The following ADAMTS9 variants were observed in gnomAD, a reference collection of about 807,000 sequenced individuals.
ADAMTS9 encodes A disintegrin and metalloproteinase with thrombospondin motifs 9.
In ADAMTS9, 107 loss-of-function variants were observed where a neutral mutation model predicts 257.1. The ratio of observed to expected loss-of-function variants is 0.42; its 90% CI spans 0.36 to 0.49. ADAMTS9 has a LOEUF of 0.49. ADAMTS9 is among the 20% of genes least tolerant of loss of function. The pLI is 0.03. For missense variants in ADAMTS9, 2,353 were observed against 2,469.1 expected (o/e 0.95, Z 1.00); for synonymous variants, 982 against 880.9 (o/e 1.11, Z -2.03).
At chr3:64,588,359 T>C (rs1318852043) in intron 28 of ADAMTS9, 1 of 152,132 alleles carries the variant, frequency 6.6e-6, no homozygotes, top group Non-Finnish European at 1.5e-5. Context: ...GCTGTATCCT[T>C]AGCACCTGGA....
intron 10 of ADAMTS9, among the ~76,000 whole-genome samples, chr3:64,648,348 C>A (rs1700847799): frequency 6.6e-6 from 1 of 152,122 alleles, no homozygotes; most frequent in East Asian, 1.9e-4. Flanking sequence ...CCAGAAGTGA[C>A]CACAGTCCTG....
rs777155151 is a variant in ADAMTS9 at position 64,622,542 on chromosome 3, C to T, written c.2434G>A (p.Val812Ile). 1.2e-6 allele frequency: 2 copies of T among 1,614,088 alleles called. No homozygotes were observed. The highest frequency in any genetic ancestry group is 1.7e-5 in the Admixed American group (1 of 60,020). ...KGEFLLNGNF[V>I]VTMAKREIRI... ...ATTTCCCTTTTGGCCATTGTGACAA[C>T]AAAGTTTCCATTTAGCAAGAATTCA... Residue 812 changes from valine to isoleucine, a missense_variant, in exon 17 of 40, where the codon GTT becomes ATT. Around this residue, in one of 3 missense-constraint regions of ADAMTS9, gnomAD observed 360 missense variants for 458.1 expected, o/e 0.79. Coordinates refer to ENST00000498707, the MANE Select transcript of ADAMTS9 (RefSeq NM_182920.2).
chr3:64,646,464 A>T (rs1383706022), intron 11 of ADAMTS9, among the ~76,000 whole-genome samples: 1 of 152,050 alleles, frequency 6.6e-6, no homozygotes, highest in African/African-American at 2.4e-5. Flanking sequence ...GCAAAGATTC[A>T]CTCTTTGGCC....
chr3:64,655,761 G>C, intron 5 of ADAMTS9, 31 bp downstream of exon 5: 1 of 1,564,640 alleles, frequency 6.4e-7, no homozygotes, highest in South Asian at 1.2e-5. Flanking sequence ...TTCGGATACA[G>C]ATAGAAGAAA....
chr3:64,646,631 C>T (rs76522906), intron 11 of ADAMTS9, among the ~76,000 whole-genome samples: 1,865 of 152,286 alleles, frequency 0.012, 37 homozygotes, highest in African/African-American at 0.042. Flanking sequence ...GACTCTGTTG[C>T]CAATTTAAGT....
At chr3:64,622,079 T>C (rs1700121773) in intron 18 of ADAMTS9, 119 bp downstream of exon 18, 2 of 1,056,698 alleles carry the variant, frequency 1.9e-6, no homozygotes, top group Non-Finnish European at 2.6e-6. Flanking sequence ...GAAAAGAGAT[T>C]AGAGAACGTA....
intron 38 of ADAMTS9, among the ~76,000 whole-genome samples, chr3:64,524,074 TATA>T (rs1349978965): frequency 6.6e-6 from 1 of 152,234 alleles, no homozygotes; most frequent in Non-Finnish European, 1.5e-5. Context: ...TAGATTGTTT[TATA>T]CACTTCCCAT....
chr3:64,649,722 G>T lies in ADAMTS9; in HGVS notation c.1520C>A (p.Pro507His). The part of the protein sequence containing the change: ...NEPESRPYPL[P>H]VQLPGILYNV... ...GTAAAGGATGCCTGGCAGTTGGACA[G>T]GCAAAGGGTAGGGTCTGGATTCAGG... Residue 507 changes from proline (P) to histidine (H), a missense_variant, in exon 10 of 40, where the codon CCT (proline) becomes CAT (histidine). Pro to His is a moderately conservative substitution (Grantham distance 77). This residue lies in a region of ADAMTS9 where 360 missense variants were observed against 458.1 expected (regional missense o/e 0.79). Transcript: ENST00000498707. 6.2e-7 allele frequency: 1 copy of T among 1,614,090 alleles called. No individual in the cohort carries two copies. The highest frequency in any genetic ancestry group is 1.1e-5 in the South Asian group (1 of 91,068).
intron 31 of ADAMTS9, 72 bp downstream of exon 31, chr3:64,550,820 C>A: frequency 6.3e-7 from 1 of 1,579,718 alleles, no homozygotes; most frequent in South Asian, 1.1e-5. Context: ...CTGCACTCAT[C>A]CCTCCACTCA....
intron 2 of ADAMTS9, among the ~76,000 whole-genome samples, chr3:64,684,059 G>T (rs1701829251): frequency 6.6e-6 from 1 of 152,190 alleles, no homozygotes. Context: ...AGGCACAAAG[G>T]CAATGAAGAC....
intron 37 of ADAMTS9, among the ~76,000 whole-genome samples, chr3:64,536,448 T>C (rs1449298379): frequency 6.6e-6 from 1 of 152,198 alleles, no homozygotes; most frequent in Admixed American, 6.5e-5. Flanking sequence ...AGTTGGTCCG[T>C]AAAGGTTTGC....
At position 64,686,123 on chromosome 3, in the gene ADAMTS9, G is replaced by T. The variant is rs1701899404; in HGVS notation, c.516+445C>A. Among the ~76,000 whole-genome samples, 1 of 152,226 alleles carries T rather than the reference G, an allele frequency of 6.6e-6. No individual in the cohort carries two copies. On this transcript the variant is annotated intron_variant, in intron 2 of 39. Coordinates refer to ENST00000498707, the MANE Select transcript of ADAMTS9 (RefSeq NM_182920.2). This position sits in a 1 kb window ranked among gnomAD's most constrained non-coding sequence, Gnocchi z 4.6. ...AACACACACTGAAGGAACTCCCAGTGCCTTGGGCAGGGGATCCTCAGCCCC... is the reference window on the plus strand; with the variant it reads ...AACACACACTGAAGGAACTCCCAGTTCCTTGGGCAGGGGATCCTCAGCCCC...
At chr3:64,564,576 A>C (rs188500309) in intron 29 of ADAMTS9, among the ~76,000 whole-genome samples, 30 of 152,078 alleles carry the variant, frequency 2.0e-4, no homozygotes, top group Admixed American at 2.0e-3. Context: ...AGTATATGCT[A>C]GTATACTGAG....
At chr3:64,580,511 A>G (rs999083620) in intron 28 of ADAMTS9, among the ~76,000 whole-genome samples, 2 of 152,122 alleles carry the variant, frequency 1.3e-5, no homozygotes, top group African/African-American at 4.8e-5. Context: ...AGAAAGACCA[A>G]ATTTTCTTAG....
At chr3:64,555,434 C>A (rs955475985) in intron 30 of ADAMTS9, among the ~76,000 whole-genome samples, 1 of 152,050 alleles carries the variant, frequency 6.6e-6, no homozygotes. Context: ...GCTGGGGCCC[C>A]GGGAGGCAGC....
At chr3:64,649,594 C>G (rs1344041146) in intron 10 of ADAMTS9, 43 bp downstream of exon 10, 2 of 1,554,476 alleles carry the variant, frequency 1.3e-6, no homozygotes, top group Non-Finnish European at 1.7e-6. Flanking sequence ...AAAAGAAGTG[C>G]AGAATCAGTA....
chr3:64,654,471 A>T lies in ADAMTS9; in HGVS notation c.1211-13T>A. The T allele has an allele frequency of 6.2e-7, 1 of 1,613,578 alleles. No homozygotes were observed. Among genetic ancestry groups the T allele is most frequent in the Non-Finnish European group, 8.5e-7 (1 of 1,179,830 alleles). On this transcript the variant is annotated splice_polypyrimidine_tract_variant and intron_variant, in intron 7 of 39. Transcript: ENST00000498707. Reference sequence around the variant, plus strand: ...AGTTCAGCCAGGCCTATTAGAAGGAAAAAAACCAACAAGGATTTACTCTAA... The same window carrying T: ...AGTTCAGCCAGGCCTATTAGAAGGATAAAAACCAACAAGGATTTACTCTAA...
intron 26 of ADAMTS9, among the ~76,000 whole-genome samples, chr3:64,597,320 G>A (rs1314566215): frequency 6.6e-6 from 1 of 152,194 alleles, no homozygotes; most frequent in African/African-American, 2.4e-5. Context: ...AGGTACAGAG[G>A]TGTTGATGGA....
intron 27 of ADAMTS9, among the ~76,000 whole-genome samples, chr3:64,596,549 G>C (rs1038762019): frequency 6.6e-6 from 1 of 152,114 alleles, no homozygotes. Flanking sequence ...CACTTTAAAA[G>C]CATCTATTTT....
Sources: gnomAD v4.1 joint callset for allele counts (sites outside exome capture counted in the v4.1 genomes callset) on GRCh38, gnomAD v4.1.1 for gene constraint, gnomAD v4.1.1 regional missense constraint, Gnocchi (gnomAD v3.1) non-coding constraint, MANE v1.5 for transcripts, NCBI Gene and HGNC (gene_info 2026-07-23, HGNC 2026-07-21) for gene names.